CFAP299: variants seen among roughly 807,000 people sequenced by gnomAD.
CFAP299 encodes cilia and flagella associated protein 299.
Under a neutral mutation model 27.0 loss-of-function variants are expected in CFAP299, and 21 were observed. The observed-to-expected ratio is 0.78, with a 90% CI of 0.55 to 1.12. The LOEUF is 1.12. CFAP299 is among the 50% of genes most tolerant of loss of function. The probability of loss-of-function intolerance (pLI) is 0.00; values close to 1 mark genes in which losing one functional copy is unlikely to be tolerated. For synonymous variants in CFAP299, 104 were observed against 98.1 expected (o/e 1.06, Z -0.36); for missense variants, 310 against 276.6 (o/e 1.12, Z -0.86).
intron 2 of CFAP299, among the ~76,000 whole-genome samples, chr4:80,385,079 C>T (rs932572419): frequency 1.3e-5 from 2 of 152,054 alleles, no homozygotes; most frequent in African/African-American, 4.8e-5. Flanking sequence ...ATCTCACATC[C>T]CTATTATTGT....
intron 4 of CFAP299, among the ~76,000 whole-genome samples, chr4:80,891,778 T>TA (rs1200985883): frequency 0.024 from 615 of 25,542 alleles, 1 homozygote; most frequent in African/African-American, 0.055. Flanking sequence ...AAAAAAAAAT[T>TA]AAAAAAAAAA....
chr4:80,473,447 A>T (rs1730110383), intron 2 of CFAP299, among the ~76,000 whole-genome samples: 1 of 145,978 alleles, frequency 6.9e-6, no homozygotes, highest in African/African-American at 2.6e-5. Flanking sequence ...TCTCCTGCTT[A>T]AAAAAAAAAA....
At chr4:80,477,469 T>A (rs1296149117) in intron 2 of CFAP299, among the ~76,000 whole-genome samples, 2 of 152,094 alleles carry the variant, frequency 1.3e-5, no homozygotes, top group Non-Finnish European at 2.9e-5. Context: ...GAGATAAGCT[T>A]TCCATTTTGG....
intron 3 of CFAP299, among the ~76,000 whole-genome samples, chr4:80,719,377 T>C (rs1425148228): frequency 6.6e-6 from 1 of 152,204 alleles, no homozygotes; most frequent in Admixed American, 6.5e-5. Flanking sequence ...TATTCTATGT[T>C]GACATTTTTG....
At chr4:80,687,603 T>C (rs1418508972) in intron 3 of CFAP299, among the ~76,000 whole-genome samples, 2 of 152,142 alleles carry the variant, frequency 1.3e-5, no homozygotes, top group African/African-American at 4.8e-5. Context: ...CCTGATCAGA[T>C]TGACATGATA....
chr4:80,799,202 T>TTA (rs1215475698), intron 3 of CFAP299, among the ~76,000 whole-genome samples: 8 of 101,758 alleles, frequency 7.9e-5, no homozygotes, highest in East Asian at 2.5e-4. Context: ...TATATAATAT[T>TTA]TATATATATA....
chr4:80,647,386 G>A (rs1486058291), intron 3 of CFAP299, among the ~76,000 whole-genome samples: 1 of 152,166 alleles, frequency 6.6e-6, no homozygotes, highest in African/African-American at 2.4e-5. Flanking sequence ...TTAATGGCAA[G>A]TAGTAAGGTG....
chr4:80,590,602 A>T (rs1201295680), intron 3 of CFAP299, among the ~76,000 whole-genome samples: 1 of 152,210 alleles, frequency 6.6e-6, no homozygotes, highest in Non-Finnish European at 1.5e-5. Flanking sequence ...AAGCCACTGC[A>T]CTTCAGCCTG....
At chr4:80,526,720 T>C (rs1353482952) in intron 2 of CFAP299, among the ~76,000 whole-genome samples, 7 of 152,144 alleles carry the variant, frequency 4.6e-5, no homozygotes, top group Non-Finnish European at 8.8e-5. Flanking sequence ...CTAATTAAAA[T>C]TAATAAATAA....
chr4:80,821,709 A>G (rs1291859067), intron 3 of CFAP299, among the ~76,000 whole-genome samples: 1 of 152,152 alleles, frequency 6.6e-6, no homozygotes, highest in African/African-American at 2.4e-5. Context: ...TCCTTGACCC[A>G]TTTGCAGAGA....
Position 80,920,414 on chromosome 4 carries a change from C to T in CFAP299, c.477-24396C>T, listed in dbSNP as rs1322437482. 2.0e-5 allele frequency among the ~76,000 whole-genome samples: 3 copies of T among 152,136 alleles called. No individual in the cohort carries two copies. In the East Asian group the frequency reaches 5.8e-4, roughly 29 times the overall value. On this transcript the variant is annotated intron_variant, in intron 4 of 5. Transcript: ENST00000358105. Reference sequence around the variant, plus strand: ...ACCTGACCTGCTTCATTATACTTCACTGTACAAGGGGCAGAAGCTCATGAC... The same window carrying T: ...ACCTGACCTGCTTCATTATACTTCATTGTACAAGGGGCAGAAGCTCATGAC...
At chr4:80,472,546 A>G (rs547236631) in intron 2 of CFAP299, among the ~76,000 whole-genome samples, 3 of 152,308 alleles carry the variant, frequency 2.0e-5, no homozygotes, top group Admixed American at 1.3e-4. Flanking sequence ...ATTGACTTCA[A>G]CAGGGATAAC....
At chr4:80,386,261 G>A in intron 2 of CFAP299, 1 of 1,193,470 alleles carries the variant, frequency 8.4e-7, no homozygotes, top group Non-Finnish European at 1.2e-6. Context: ...GCCAGAGCCA[G>A]GTTGGAGCCC....
At chr4:80,531,609 A>G (rs1162816441) in intron 2 of CFAP299, among the ~76,000 whole-genome samples, 3 of 152,198 alleles carry the variant, frequency 2.0e-5, no homozygotes, top group Admixed American at 6.5e-5. Context: ...CCTATTCAAT[A>G]TCCATTATGC....
At chr4:80,621,143 A>C (rs983330345) in intron 3 of CFAP299, among the ~76,000 whole-genome samples, 1 of 152,128 alleles carries the variant, frequency 6.6e-6, no homozygotes, top group Non-Finnish European at 1.5e-5. Flanking sequence ...GTATATAACA[A>C]AAAATAGAAT....
chr4:80,697,375 T>C (rs1403124190), intron 3 of CFAP299, among the ~76,000 whole-genome samples: 1 of 152,192 alleles, frequency 6.6e-6, no homozygotes, highest in Non-Finnish European at 1.5e-5. Context: ...CAAATATGTT[T>C]GTACAATCAT....
At chr4:80,755,088 C>G (rs1277431803) in intron 3 of CFAP299, among the ~76,000 whole-genome samples, 5 of 151,684 alleles carry the variant, frequency 3.3e-5, no homozygotes, top group Non-Finnish European at 7.4e-5. Flanking sequence ...GAATATTAAT[C>G]AAATGAGATA....
chr4:80,668,862 T>G (rs1741285662), intron 3 of CFAP299, among the ~76,000 whole-genome samples: 1 of 152,048 alleles, frequency 6.6e-6, no homozygotes, highest in Non-Finnish European at 1.5e-5. Flanking sequence ...CATGACATTG[T>G]TTTTTTGATA....
chr4:80,821,151 C>T (rs956662469), intron 3 of CFAP299, among the ~76,000 whole-genome samples: 1 of 152,124 alleles, frequency 6.6e-6, no homozygotes, highest in Admixed American at 6.5e-5. Flanking sequence ...TTATTGACTA[C>T]TGTAATTAAG....
Sources: allele counts gnomAD v4.1 joint callset (sites outside exome capture counted in the v4.1 genomes callset), GRCh38; gene constraint gnomAD v4.1.1; transcripts MANE v1.5; gene names NCBI Gene and HGNC (gene_info 2026-07-23, HGNC 2026-07-21).